The following UNC5D variants were observed in gnomAD, a reference collection of about 807,000 sequenced individuals.
UNC5D encodes unc-5 netrin receptor D, also known as netrin receptor UNC5D.
In UNC5D, 39 loss-of-function variants were observed where a neutral mutation model predicts 105.4. The ratio of observed to expected loss-of-function variants is 0.37; its 90% CI spans 0.29 to 0.48. The LOEUF is 0.48. Among genes scored for constraint, UNC5D ranks in the 20% least tolerant of loss-of-function variants. The pLI, the probability that UNC5D is intolerant of heterozygous loss-of-function variation, is 0.98. For synonymous variants in UNC5D, 452 were observed against 450.4 expected, an observed-to-expected ratio of 1.00 and a Z score of -0.04; for missense variants, 991 against 1,202.4, an observed-to-expected ratio of 0.82 and a Z score of 2.60.
In UNC5D at chr8:35,396,882, C is replaced by T. The variant is rs537015782; in HGVS notation, c.104-152410C>T. Among the ~76,000 whole-genome samples the T allele has an allele frequency of 4.6e-5, 7 of 150,950 alleles. No homozygotes were observed. The East Asian group carries it at 7.8e-4, about 17-fold the overall frequency. On this transcript the variant is annotated intron_variant, in intron 1 of 16. Transcript: ENST00000404895. ...ATGTGTATTATGTGTCTCTTCTGAGCCCAAGGGTTTTTTTGTTTGTTTGGT... is the reference window on the plus strand; with the variant it reads ...ATGTGTATTATGTGTCTCTTCTGAGTCCAAGGGTTTTTTTGTTTGTTTGGT...
chr8:35,402,259 A>G lies in UNC5D; in HGVS notation c.104-147033A>G, dbSNP rs567918767. ...GACTGGGTAATTTACAAAGAAAAAG[A>G]GGTTTAATGAACTCACAGTTCAACG... On this transcript the variant is annotated intron_variant, in intron 1 of 16. Transcript: ENST00000404895. Among the ~76,000 whole-genome samples the G allele has an allele frequency of 2.6e-5, 4 of 152,326 alleles. No homozygotes were observed. In the East Asian group the frequency reaches 7.7e-4, roughly 29 times the overall value.
chr8:35,545,310 C>T (rs1377474808), intron 1 of UNC5D, among the ~76,000 whole-genome samples: 3 of 152,176 alleles, frequency 2.0e-5, no homozygotes, highest in Admixed American at 2.0e-4. Context: ...AGTTCCTGTT[C>T]CTCTTTCTTC....
At chr8:35,489,485 T>C (rs1479006893) in intron 1 of UNC5D, among the ~76,000 whole-genome samples, 1 of 152,186 alleles carries the variant, frequency 6.6e-6, no homozygotes, top group Non-Finnish European at 1.5e-5. Flanking sequence ...CTAATCTTAC[T>C]GATGTCCTTA....
intron 1 of UNC5D, among the ~76,000 whole-genome samples, chr8:35,308,327 C>A (rs1808598727): frequency 6.6e-6 from 1 of 151,882 alleles, no homozygotes; most frequent in Non-Finnish European, 1.5e-5. Flanking sequence ...TCTGGGATTC[C>A]ATTTTGTGCC....
chr8:35,584,082 C>G (rs937407729), intron 3 of UNC5D, among the ~76,000 whole-genome samples: 1 of 152,138 alleles, frequency 6.6e-6, no homozygotes, highest in African/African-American at 2.4e-5. Flanking sequence ...ATGATAGATA[C>G]ACTTGAGAAG....
intron 1 of UNC5D, among the ~76,000 whole-genome samples, chr8:35,445,513 T>C (rs1028758255): frequency 6.6e-6 from 1 of 152,210 alleles, no homozygotes; most frequent in African/African-American, 2.4e-5. Context: ...AAGGGGTTGG[T>C]ACTATTATGT....
intron 4 of UNC5D, among the ~76,000 whole-genome samples, chr8:35,676,369 A>T (rs1228619959): frequency 6.6e-6 from 1 of 151,904 alleles, no homozygotes; most frequent in African/African-American, 2.4e-5. Context: ...AAATAAGTAG[A>T]AACCAGATAA....
At chr8:35,320,743 T>G (rs1054934126) in intron 1 of UNC5D, among the ~76,000 whole-genome samples, 12 of 152,064 alleles carry the variant, frequency 7.9e-5, no homozygotes, top group African/African-American at 2.9e-4. Flanking sequence ...GAGGAGGGTA[T>G]AATGAGGCAT....
At chr8:35,423,538 A>G (rs1806047957) in intron 1 of UNC5D, among the ~76,000 whole-genome samples, 2 of 152,348 alleles carry the variant, frequency 1.3e-5, no homozygotes, top group South Asian at 4.1e-4. Context: ...ACACTTGTGC[A>G]TAGAAATTTC....
intron 4 of UNC5D, among the ~76,000 whole-genome samples, chr8:35,672,107 T>C (rs746826667): frequency 3.9e-5 from 6 of 152,180 alleles, no homozygotes; most frequent in Non-Finnish European, 5.9e-5. Context: ...GTATGTATGA[T>C]ACGTGTCTGT....
At chr8:35,463,910 G>A (rs1431676455) in intron 1 of UNC5D, among the ~76,000 whole-genome samples, 1 of 152,110 alleles carries the variant, frequency 6.6e-6, no homozygotes, top group East Asian at 1.9e-4. Flanking sequence ...TTAGCTAAAT[G>A]TAAAGTGCTT....
chr8:35,568,019 A>C, intron 2 of UNC5D, 79 bp from the exon 3 acceptor site: 2 of 1,545,584 alleles, frequency 1.3e-6, no homozygotes, highest in South Asian at 1.3e-5. Flanking sequence ...TAAAAAGAAA[A>C]GGTTTGGCTA....
At chr8:35,556,846 G>A (rs183589843) in intron 2 of UNC5D, among the ~76,000 whole-genome samples, 8 of 152,118 alleles carry the variant, frequency 5.3e-5, no homozygotes, top group Non-Finnish European at 7.4e-5. Flanking sequence ...GCATATCTTT[G>A]TGGGAACACA....
chr8:35,386,716 A>T (rs935069252), intron 1 of UNC5D, among the ~76,000 whole-genome samples: 1 of 152,220 alleles, frequency 6.6e-6, no homozygotes, highest in Non-Finnish European at 1.5e-5. Flanking sequence ...GTTATTTGTT[A>T]TCAAAAGTGG....
intron 11 of UNC5D, among the ~76,000 whole-genome samples, chr8:35,734,335 C>CAAAAAAAAAAAA (rs10657691): frequency 3.5e-5 from 1 of 28,288 alleles, no homozygotes; most frequent in African/African-American, 1.1e-4. Context: ...TAATCACTGT[C>CAAAAAAAAAAAA]AAAAAAAAAA....
At chr8:35,607,431 CT>C (rs1820367775) in intron 4 of UNC5D, among the ~76,000 whole-genome samples, 1 of 152,172 alleles carries the variant, frequency 6.6e-6, no homozygotes, top group Admixed American at 6.5e-5. Flanking sequence ...GAAAGAGAAA[CT>C]GTTCCATGCT....
intron 1 of UNC5D, among the ~76,000 whole-genome samples, chr8:35,259,949 A>G (rs1804359120): frequency 2.0e-5 from 3 of 152,234 alleles, no homozygotes; most frequent in African/African-American, 7.2e-5. Flanking sequence ...CTGGAGGAGA[A>G]ATAGTCCTTA....
At chr8:35,473,535 A>G (rs996417864) in intron 1 of UNC5D, among the ~76,000 whole-genome samples, 8 of 152,146 alleles carry the variant, frequency 5.3e-5, no homozygotes, top group African/African-American at 1.9e-4. Context: ...TTTTATGTTG[A>G]AAGAATTCAC....
At chr8:35,559,234 C>T (rs563054487) in intron 2 of UNC5D, among the ~76,000 whole-genome samples, 1 of 152,200 alleles carries the variant, frequency 6.6e-6, no homozygotes, top group Non-Finnish European at 1.5e-5. Flanking sequence ...AAGACTGGGA[C>T]GAGATAAACC....
Sources: gnomAD v4.1 joint callset for allele counts (sites outside exome capture counted in the v4.1 genomes callset) on GRCh38, gnomAD v4.1.1 for gene constraint, MANE v1.5 for transcripts, NCBI Gene and HGNC (gene_info 2026-07-23, HGNC 2026-07-21) for gene names.